CYRIB: variants seen among roughly 807,000 people sequenced by gnomAD.
The protein encoded by CYRIB is CYFIP related Rac1 interactor B, also known as CYFIP-related Rac1 interactor B.
CYRIB carries 8 observed loss-of-function variants against 44.2 expected under a neutral mutation model. The observed-to-expected ratio is 0.18, with a 90% CI of 0.11 to 0.33. CYRIB has a LOEUF of 0.33. Ranked by LOEUF, CYRIB falls within the 10% of genes least tolerant of loss-of-function variation. CYRIB has a pLI of 1.00. For synonymous variants in CYRIB, 131 were observed against 127.2 expected (o/e 1.03, Z -0.20); for missense variants, 185 against 382.8 (o/e 0.48, Z 4.31).
chr8:129,855,416 C>G (rs1395578575), intron 6 of CYRIB, among the ~76,000 whole-genome samples, 195 bp downstream of exon 8: 1 of 151,744 alleles, frequency 6.6e-6, no homozygotes, highest in Non-Finnish European at 1.5e-5. Context: ...AGATTGAGAC[C>G]GAATACTCAG....
chr8:129,925,965 C>T (rs167238), intron 1 of CYRIB, among the ~76,000 whole-genome samples: 69,332 of 151,932 alleles, frequency 0.46, 16,057 homozygotes, highest in East Asian at 0.55. Context: ...TCTTTTCCAA[C>T]TTCCAACTTT....
At chr8:129,928,983 C>T (rs2089699983) in intron 1 of CYRIB, among the ~76,000 whole-genome samples, 1 of 152,186 alleles carries the variant, frequency 6.6e-6, no homozygotes, top group African/African-American at 2.4e-5. Flanking sequence ...TATCTGCATA[C>T]AAATGTTCAC....
At chr8:129,951,289 G>A (rs1214303935) in intron 2 of CYRIB, among the ~76,000 whole-genome samples, 1 of 152,070 alleles carries the variant, frequency 6.6e-6, no homozygotes, top group Non-Finnish European at 1.5e-5. Context: ...GGGTGACAGA[G>A]CGAGACTCCA....
intron 2 of CYRIB, among the ~76,000 whole-genome samples, chr8:129,897,822 G>A (rs1482092724): frequency 1.3e-5 from 2 of 152,056 alleles, no homozygotes; most frequent in East Asian, 1.9e-4. Flanking sequence ...CTGGAGTGCA[G>A]TGGAGCAATC....
At chr8:129,904,138 CA>C (rs2073931183) in intron 1 of CYRIB, among the ~76,000 whole-genome samples, 1 of 152,070 alleles carries the variant, frequency 6.6e-6, no homozygotes, top group Non-Finnish European at 1.5e-5. Flanking sequence ...TTATAAGAAG[CA>C]AATAAAGACA....
chr8:129,931,244 G>A (rs2091201134), intron 1 of CYRIB, among the ~76,000 whole-genome samples: 1 of 151,922 alleles, frequency 6.6e-6, no homozygotes, highest in African/African-American at 2.4e-5. Flanking sequence ...ACATATAAAG[G>A]GAAAGAAGCC....
intron 1 of CYRIB, among the ~76,000 whole-genome samples, chr8:129,911,990 C>T (rs2078282509): frequency 1.3e-5 from 2 of 152,094 alleles, no homozygotes; most frequent in Non-Finnish European, 2.9e-5. Context: ...GTTTAAGATA[C>T]GTTCTGTGAA....
chr8:130,005,660 G>A (rs573547752), intron 1 of CYRIB, among the ~76,000 whole-genome samples: 24 of 152,188 alleles, frequency 1.6e-4, no homozygotes, highest in African/African-American at 5.8e-4. Context: ...ACCTCTAGCT[G>A]GGAGATGCTT....
At chr8:129,843,350 G>A (rs1212720679) in intron 11 of CYRIB, among the ~76,000 whole-genome samples, 5 of 152,192 alleles carry the variant, frequency 3.3e-5, no homozygotes, top group Non-Finnish European at 5.9e-5. Flanking sequence ...CATTCTGGCT[G>A]TTGAGGGCAA....
At chr8:129,952,521 CAAT>C (rs2094559573) in intron 2 of CYRIB, among the ~76,000 whole-genome samples, 1 of 152,070 alleles carries the variant, frequency 6.6e-6, no homozygotes, top group Non-Finnish European at 1.5e-5. Flanking sequence ...AGGTAAAACT[CAAT>C]GATAACAAGA....
chr8:129,942,286 C>G (rs1006864153), upstream of CYRIB, among the ~76,000 whole-genome samples: 3 of 152,214 alleles, frequency 2.0e-5, no homozygotes, highest in African/African-American at 7.2e-5. Context: ...TTGCAGTTAG[C>G]TGAGATCTTG....
At chr8:129,931,550 T>C (rs890389859) in intron 1 of CYRIB, among the ~76,000 whole-genome samples, 1 of 152,204 alleles carries the variant, frequency 6.6e-6, no homozygotes, top group Non-Finnish European at 1.5e-5. Flanking sequence ...GGTCATTACA[T>C]ATAACTTTGC....
intron 2 of CYRIB, among the ~76,000 whole-genome samples, chr8:129,895,766 C>T (rs1417356730): frequency 6.6e-6 from 1 of 152,108 alleles, no homozygotes; most frequent in Non-Finnish European, 1.5e-5. Context: ...CACGGTCTTG[C>T]TCTGTTGCCC....
upstream of CYRIB, among the ~76,000 whole-genome samples, chr8:129,942,907 T>C (rs1283278562): frequency 6.6e-6 from 1 of 152,270 alleles, no homozygotes; most frequent in African/African-American, 2.4e-5. Context: ...ACAGCTTCTA[T>C]GGACACTGCA....
intron 1 of CYRIB, among the ~76,000 whole-genome samples, chr8:129,936,767 C>G (rs919263001): frequency 7.1e-6 from 1 of 140,566 alleles, no homozygotes; most frequent in South Asian, 2.3e-4. Context: ...AGTGCAGTGG[C>G]GAGATCTTGG....
intron 2 of CYRIB, among the ~76,000 whole-genome samples, chr8:129,953,202 G>T (rs1449866070): frequency 1.3e-5 from 2 of 152,178 alleles, no homozygotes; most frequent in Non-Finnish European, 1.5e-5. Flanking sequence ...AAATGACACG[G>T]ATGATATATC....
intron 1 of CYRIB, among the ~76,000 whole-genome samples, chr8:129,982,789 T>C (rs939985664): frequency 1.3e-5 from 2 of 152,150 alleles, no homozygotes; most frequent in Admixed American, 6.5e-5. Context: ...TCTAAAACCC[T>C]TGCCTGTTTT....
intron 1 of CYRIB, among the ~76,000 whole-genome samples, chr8:129,934,069 T>G (rs1590325016): frequency 6.6e-6 from 1 of 152,170 alleles, no homozygotes; most frequent in South Asian, 2.1e-4. Flanking sequence ...TAAAGTCTCA[T>G]GATTTCACTG....
chr8:129,883,458 T>C (rs2061558964), intron 2 of CYRIB, among the ~76,000 whole-genome samples: 1 of 152,152 alleles, frequency 6.6e-6, no homozygotes, highest in Non-Finnish European at 1.5e-5. Flanking sequence ...CATATCACAA[T>C]GTCTCTTTGA....
Sources: gnomAD v4.1 joint callset for allele counts (sites outside exome capture counted in the v4.1 genomes callset) on GRCh38, gnomAD v4.1.1 for gene constraint, MANE v1.5 for transcripts, NCBI Gene and HGNC (gene_info 2026-07-23, HGNC 2026-07-21) for gene names.